EPS15L1: variants seen among roughly 807,000 people sequenced by gnomAD.
EPS15L1 encodes the protein epidermal growth factor receptor pathway substrate 15 like 1, also known as epidermal growth factor receptor substrate 15-like 1.
EPS15L1 carries 43 observed loss-of-function variants against 117.1 expected under a neutral mutation model. The observed-to-expected ratio is 0.37, with a 90% confidence interval of 0.29 to 0.47. The LOEUF is 0.47. EPS15L1 is among the 20% of genes least tolerant of loss of function. The pLI, the probability that EPS15L1 is intolerant of heterozygous loss-of-function variation, is 0.99. For missense variants in EPS15L1, 981 were observed against 1,164.0 expected (o/e 0.84, Z 2.29); for synonymous variants, 459 against 470.5 (o/e 0.98, Z 0.32).
Position 16,406,636 on chromosome 19 carries a change from G to A in EPS15L1, c.1267-1887C>T, listed in dbSNP as rs567993460. ...GCCACACTGGCTCCTTCCAGGCCAC[G>A]GCCCATGGATCCAGGACACTAGGGG... On this transcript the variant is annotated intron_variant, in intron 13 of 23. Transcript: ENST00000455140. 4.0e-4 allele frequency among the ~76,000 whole-genome samples: 61 copies of A among 152,346 alleles called. No homozygotes were observed. The South Asian group carries it at 4.1e-3, about 10-fold the overall frequency.
chr19:16,385,292 G>T, intron 20 of EPS15L1, 81 bp from the exon 21 acceptor site: 2 of 1,170,594 alleles, frequency 1.7e-6, no homozygotes, highest in Non-Finnish European at 1.3e-6. Context: ...ATGCTAGATG[G>T]CCCCTGAACC....
chr19:16,437,839 C>T lies in EPS15L1; in HGVS notation c.240G>A (p.Val80=). 6.2e-7 allele frequency: 1 copy of T among 1,614,006 alleles called. No individual in the cohort carries two copies. The highest frequency in any genetic ancestry group is 8.5e-7 in the Non-Finnish European group (1 of 1,179,964). ...CTTCATGGCCACTCTGTGCACAGGC[C>T]ACCAGTCTCAGTGCAACATAGAAAC... is the stretch of plus-strand genomic sequence containing the variant. The part of the protein sequence containing the change: ...KQGFYVALRL[V]ACAQSGHEVT... The change falls in exon 5 of 24, where the codon GTG becomes GTA. Residue 80 remains valine (V), a synonymous_variant. Transcript: ENST00000455140.
At chr19:16,375,856 G>A (rs754194688) in intron 22 of EPS15L1, among the ~76,000 whole-genome samples, 2 of 152,218 alleles carry the variant, frequency 1.3e-5, no homozygotes, top group Admixed American at 6.5e-5. Flanking sequence ...CAGCCCAGGG[G>A]ACAGGAGGAG....
chr19:16,450,719 G>A (rs1029585768), intron 1 of EPS15L1, among the ~76,000 whole-genome samples: 1 of 151,996 alleles, frequency 6.6e-6, no homozygotes, highest in Admixed American at 6.6e-5. Context: ...CTGACCTCAG[G>A]TGATCCACCC....
At chr19:16,390,927 T>C (rs2092467731) in intron 19 of EPS15L1, among the ~76,000 whole-genome samples, 2 of 152,214 alleles carry the variant, frequency 1.3e-5, no homozygotes, top group African/African-American at 4.8e-5. Context: ...GATAAACCCA[T>C]TGTAAGTTGA....
chr19:16,389,331 G>C (rs2092453092), intron 19 of EPS15L1, among the ~76,000 whole-genome samples: 1 of 152,024 alleles, frequency 6.6e-6, no homozygotes, highest in Admixed American at 6.6e-5. Context: ...GTACATGCCT[G>C]TGGTCCCAGC....
At chr19:16,411,730 C>T (rs2092707672) in intron 13 of EPS15L1, among the ~76,000 whole-genome samples, 1 of 152,216 alleles carries the variant, frequency 6.6e-6, no homozygotes, top group African/African-American at 2.4e-5. Context: ...GGCAGGGTCT[C>T]ACTCTGTTGC....
At chr19:16,441,815 G>A in intron 3 of EPS15L1, 77 bp downstream of exon 3, 2 of 1,176,840 alleles carry the variant, frequency 1.7e-6, no homozygotes, top group Non-Finnish European at 2.5e-6. Context: ...AAGGAGGCCT[G>A]CACAGGCTGG....
rs1380944478 is a variant in EPS15L1 at position 16,405,969 on chromosome 19, G to A, written c.1267-1220C>T. Among the ~76,000 whole-genome samples the A allele has an allele frequency of 6.6e-6, 1 of 152,218 alleles. No individual in the cohort carries two copies. Among genetic ancestry groups the A allele is most frequent in the Admixed American group, 6.5e-5 (1 of 15,278 alleles). ...GGCCATCAGGACGCAGGAACTGCAGGGGCCTCGGGTGGGGTCCAGGGAGAG... is the reference window on the plus strand; with the variant it reads ...GGCCATCAGGACGCAGGAACTGCAGAGGCCTCGGGTGGGGTCCAGGGAGAG... On this transcript the variant is annotated intron_variant, in intron 13 of 23. Coordinates refer to ENST00000455140, the MANE Select transcript of EPS15L1 (RefSeq NM_001258374.3). This position sits in a 1 kb window ranked among gnomAD's most constrained non-coding sequence, Gnocchi z 4.0.
intron 1 of EPS15L1, among the ~76,000 whole-genome samples, chr19:16,460,901 C>T (rs1399426561): frequency 1.3e-5 from 2 of 152,212 alleles, no homozygotes; most frequent in African/African-American, 4.8e-5. Flanking sequence ...AGGGCCTCAT[C>T]ATCAAGTTTT....
At chr19:16,419,134 G>T in intron 10 of EPS15L1, among the ~76,000 whole-genome samples, 1 of 152,224 alleles carries the variant, frequency 6.6e-6, no homozygotes, top group South Asian at 2.1e-4. Flanking sequence ...CTGTGGAGCT[G>T]AGGTGAGAGG....
Position 16,403,940 on chromosome 19 carries a change from G to C in EPS15L1, c.1429-10C>G, listed in dbSNP as rs760941695. 3.7e-6 allele frequency: 6 copies of C among 1,603,870 alleles called. No individual in the cohort carries two copies. The South Asian group carries it at 6.6e-5, about 18-fold the overall frequency. ...TTTTCAGTGATGAGATCTGAAATGA[G>C]ATGTTAAAAGATGTTAAAGAGATTC... On this transcript the variant is annotated splice_polypyrimidine_tract_variant and intron_variant, in intron 14 of 23. Transcript: ENST00000455140.
At chr19:16,368,187 C>G (rs2092165787) in intron 22 of EPS15L1, among the ~76,000 whole-genome samples, 1 of 152,170 alleles carries the variant, frequency 6.6e-6, no homozygotes, top group African/African-American at 2.4e-5. Flanking sequence ...AACGATCACA[C>G]AACTCTCACT....
chr19:16,433,962 C>T (rs1243169271), intron 7 of EPS15L1, among the ~76,000 whole-genome samples: 1 of 148,868 alleles, frequency 6.7e-6, no homozygotes, highest in Non-Finnish European at 1.5e-5. Context: ...GACTCCATCT[C>T]ATAAATAAAT....
At chr19:16,373,233 G>A (rs2092249337) in intron 22 of EPS15L1, among the ~76,000 whole-genome samples, 1 of 150,316 alleles carries the variant, frequency 6.7e-6, no homozygotes, top group East Asian at 1.9e-4. Flanking sequence ...CAGGCTCACA[G>A]GGGGTCGCAT....
intron 22 of EPS15L1, among the ~76,000 whole-genome samples, chr19:16,373,109 A>G (rs1230648140): frequency 2.6e-5 from 4 of 152,216 alleles, no homozygotes; most frequent in African/African-American, 9.6e-5. Context: ...TGTGATTTCC[A>G]TGAGTGCAGG....
chr19:16,447,327 G>A (rs1315860518), intron 1 of EPS15L1, among the ~76,000 whole-genome samples: 1 of 152,212 alleles, frequency 6.6e-6, no homozygotes, highest in Non-Finnish European at 1.5e-5. Context: ...AGAAGGAGAA[G>A]ACTTGGCAAG....
At chr19:16,376,259 AG>A (rs1386319078) in intron 22 of EPS15L1, among the ~76,000 whole-genome samples, 4 of 152,234 alleles carry the variant, frequency 2.6e-5, no homozygotes, top group Non-Finnish European at 4.4e-5. Flanking sequence ...ACCGGGGCAC[AG>A]ATGGAACAGG....
At chr19:16,398,132 G>T (rs1362653283) in intron 16 of EPS15L1, among the ~76,000 whole-genome samples, 3 of 152,210 alleles carry the variant, frequency 2.0e-5, no homozygotes, top group Non-Finnish European at 4.4e-5. Flanking sequence ...AGGGGTGCAG[G>T]ACAGTTATGA....
Sources: gnomAD v4.1 joint callset for allele counts (sites outside exome capture counted in the v4.1 genomes callset) on GRCh38, gnomAD v4.1.1 for gene constraint, Gnocchi (gnomAD v3.1) non-coding constraint, MANE v1.5 for transcripts, NCBI Gene and HGNC (gene_info 2026-07-23, HGNC 2026-07-21) for gene names.